Variants in STAG3 observed in about 807,000 individuals in gnomAD.
STAG3 encodes the protein cohesin subunit SA-3.
In STAG3, 101 loss-of-function variants were observed where a neutral mutation model predicts 160.7. That is an observed-to-expected ratio of 0.63 (90% CI 0.54 to 0.74). The LOEUF (loss-of-function observed/expected upper bound fraction) is 0.74, where lower values mean the gene tolerates loss of function less well. Among genes scored for constraint, STAG3 ranks in the 30% least tolerant of loss-of-function variants. STAG3 has a pLI of 0.00. For missense variants in STAG3, 1,188 were observed against 1,517.4 expected (o/e 0.78, Z 3.61); for synonymous variants, 519 against 585.0 (o/e 0.89, Z 1.63).
At chr7:100,195,803 A>G (rs1350144262) in intron 9 of STAG3, among the ~76,000 whole-genome samples, 1 of 152,104 alleles carries the variant, frequency 6.6e-6, no homozygotes, top group Non-Finnish European at 1.5e-5. Flanking sequence ...GGAGTTTTAT[A>G]CTGTTTAATG....
chr7:100,215,896 C>T (rs865866227), downstream of STAG3, among the ~76,000 whole-genome samples: 31 of 152,138 alleles, frequency 2.0e-4, no homozygotes. Flanking sequence ...TGGCAGTTTC[C>T]GTTTCCTGTC....
At chr7:100,182,942 A>T (rs1799745019) in intron 4 of STAG3, 103 bp downstream of exon 4, 1 of 1,318,180 alleles carries the variant, frequency 7.6e-7, no homozygotes. Flanking sequence ...TAGTGAGTGT[A>T]ACATGTCAAG....
intron 8 of STAG3, among the ~76,000 whole-genome samples, chr7:100,194,644 A>G (rs1289400213): frequency 6.6e-6 from 1 of 152,024 alleles, no homozygotes; most frequent in Non-Finnish European, 1.5e-5. Context: ...AATTTTTTTT[A>G]ACTAGCTGGG....
downstream of STAG3, among the ~76,000 whole-genome samples, chr7:100,217,344 C>T (rs1163119123): frequency 1.3e-5 from 2 of 152,224 alleles, no homozygotes; most frequent in Admixed American, 1.3e-4. Context: ...ACTGGCCAGG[C>T]CCAGGCCAGG....
At chr7:100,189,159 G>C in intron 7 of STAG3, 143 bp downstream of exon 7, 1 of 974,204 alleles carries the variant, frequency 1.0e-6, no homozygotes, top group Non-Finnish European at 1.5e-6. Context: ...CTTCAATCCA[G>C]TTTCTCACTA....
rs761260270 is a variant in STAG3, at chr7:100,213,802, T to C, written c.3668T>C (p.Ile1223Thr). 9.3e-6 allele frequency: 15 copies of C among 1,614,102 alleles called. No homozygotes were observed. The highest frequency in any genetic ancestry group is 3.3e-5 in the Admixed American group (2 of 60,002). The change falls in exon 33 of 34, where the codon ATT becomes ACT. Residue 1223 changes from isoleucine to threonine, a missense_variant. Ile to Thr is a moderately conservative substitution (Grantham distance 89). Around this residue, in one of 4 missense-constraint regions of STAG3, gnomAD observed 647 missense variants for 717.2 expected, o/e 0.90. Transcript: ENST00000615138. ...LDLLDSTELD[I>T]EDF Reference sequence around the variant, plus strand: ...CTCTTAGATTCTACAGAGCTGGATATTGAGGTGAGTGTCCCCAGAGCAGGA... The same window carrying C: ...CTCTTAGATTCTACAGAGCTGGATACTGAGGTGAGTGTCCCCAGAGCAGGA...
chr7:100,182,039 T>C (rs761565485), intron 2 of STAG3, 51 bp from the exon 3 acceptor site: 1 of 1,376,348 alleles, frequency 7.3e-7, no homozygotes, highest in Non-Finnish European at 1.0e-6. Flanking sequence ...TAGCCTTTTA[T>C]ATGGAGGGAA....
downstream of STAG3, among the ~76,000 whole-genome samples, chr7:100,214,598 G>A (rs1000801490): frequency 6.6e-5 from 10 of 152,086 alleles, no homozygotes; most frequent in African/African-American, 2.4e-4. Context: ...AGTGGCCACA[G>A]CCTCTGCAGT....
rs772080388 is a variant in STAG3 at position 100,204,709 on chromosome 7, G to A, written c.2885G>A (p.Arg962Gln). The change falls in exon 27 of 34, where the codon CGG becomes CAG. Residue 962 changes from arginine to glutamine, a missense_variant. Arg to Gln is a conservative substitution (Grantham distance 43). Transcript: ENST00000615138. ...PAFIEMRDLA[R>Q]RFALSFGPQQ... Reference sequence around the variant, plus strand: ...TTCATCGAGATGAGGGACCTGGCCCGGAGGTTTGCCTTGAGTTTTGGACCC... The same window carrying A: ...TTCATCGAGATGAGGGACCTGGCCCAGAGGTTTGCCTTGAGTTTTGGACCC... The A allele has an allele frequency of 5.0e-5, 81 of 1,614,012 alleles. No individual in the cohort carries two copies. The East Asian group carries it at 6.7e-4, about 13-fold the overall frequency.
intron 16 of STAG3, 81 bp from the exon 17 acceptor site, chr7:100,200,154 GT>G: frequency 1.0e-6 from 1 of 1,000,132 alleles, no homozygotes; most frequent in Non-Finnish European, 1.5e-6. Context: ...GGCAGATAAG[GT>G]CATGGGGAGG....
intron 32 of STAG3, 172 bp downstream of exon 32, chr7:100,212,048 CTTTTA>C (rs1802269753): frequency 1.8e-6 from 1 of 552,778 alleles, no homozygotes; most frequent in Non-Finnish European, 3.1e-6. Context: ...TTGGACTCTA[CTTTTA>C]TTAAAGAATA....
chr7:100,194,431 C>T (rs1200329768), intron 8 of STAG3, among the ~76,000 whole-genome samples: 1 of 152,142 alleles, frequency 6.6e-6, no homozygotes, highest in Non-Finnish European at 1.5e-5. Flanking sequence ...AGTCAGAACA[C>T]AGACATTGTT....
intron 13 of STAG3, 57 bp downstream of exon 13, chr7:100,198,639 A>G (rs1028932975): frequency 2.0e-6 from 3 of 1,521,436 alleles, no homozygotes; most frequent in Non-Finnish European, 2.7e-6. Flanking sequence ...TCTCTCCTCC[A>G]TCTGCTGCTG....
downstream of STAG3, among the ~76,000 whole-genome samples, chr7:100,217,914 A>G (rs1188988681): frequency 6.6e-6 from 1 of 151,594 alleles, no homozygotes; most frequent in Non-Finnish European, 1.5e-5. Context: ...ACAGCATCAC[A>G]GGGAGACGGT....
At chr7:100,206,737 T>C (rs1801689578) in intron 29 of STAG3, among the ~76,000 whole-genome samples, 1 of 152,142 alleles carries the variant, frequency 6.6e-6, no homozygotes, top group Admixed American at 6.5e-5. Flanking sequence ...CCCAAAGTGC[T>C]CCCAAAGTGC....
chr7:100,217,494 C>T (rs1310808715), downstream of STAG3, among the ~76,000 whole-genome samples: 3 of 151,002 alleles, frequency 2.0e-5, no homozygotes, highest in South Asian at 2.1e-4. Context: ...TCCTCCTGTG[C>T]GGAGATGAGA....
At chr7:100,195,633 C>G (rs1277053516) in intron 9 of STAG3, among the ~76,000 whole-genome samples, 1 of 152,218 alleles carries the variant, frequency 6.6e-6, no homozygotes, top group Non-Finnish European at 1.5e-5. Context: ...TTTTCCTGCT[C>G]TGGCTTTGCC....
intron 8 of STAG3, among the ~76,000 whole-genome samples, chr7:100,194,330 T>G (rs968777343): frequency 1.1e-4 from 16 of 152,208 alleles, no homozygotes; most frequent in Non-Finnish European, 2.4e-4. Flanking sequence ...GGGTTATTAA[T>G]TGACCTAATT....
chr7:100,211,024 T>C lies in STAG3; in HGVS notation c.3252T>C (p.Pro1084=), dbSNP rs767097803. ...TCTGCTTGGCAGGGCCTGCCAAGCCTAACAGAGAGGACGTCTCCTCGTCCC... is the reference window on the plus strand; with the variant it reads ...TCTGCTTGGCAGGGCCTGCCAAGCCCAACAGAGAGGACGTCTCCTCGTCCC... ...KRRRVEGPAK[P]NREDVSSSQE... The change falls in exon 30 of 34, where the codon CCT becomes CCC. Residue 1084 remains proline (P), a synonymous_variant. Coordinates refer to ENST00000615138, the MANE Select transcript of STAG3 (RefSeq NM_001282717.2). 6.2e-7 allele frequency: 1 copy of C among 1,613,704 alleles called. No homozygotes were observed. The highest frequency in any genetic ancestry group is 1.1e-5 in the South Asian group (1 of 91,050).
Sources: gnomAD v4.1 joint callset for allele counts (sites outside exome capture counted in the v4.1 genomes callset) on GRCh38, gnomAD v4.1.1 for gene constraint, gnomAD v4.1.1 regional missense constraint, MANE v1.5 for transcripts, NCBI Gene and HGNC (gene_info 2026-07-23, HGNC 2026-07-21) for gene names.